PRKN: variants seen among roughly 807,000 people sequenced by gnomAD.
PRKN encodes the protein parkin RBR E3 ubiquitin protein ligase, also known as E3 ubiquitin-protein ligase parkin.
In PRKN, 56 loss-of-function variants were observed where a neutral mutation model predicts 59.5. The observed-to-expected ratio is 0.94, with a 90% CI of 0.76 to 1.18. The LOEUF (loss-of-function observed/expected upper bound fraction) is 1.18, where lower values mean the gene tolerates loss of function less well. Among genes scored for constraint, PRKN ranks in the 50% most tolerant of loss-of-function variants. The probability of loss-of-function intolerance (pLI) is 0.00; values close to 1 mark genes in which losing one functional copy is unlikely to be tolerated. For synonymous variants in PRKN, 250 were observed against 222.1 expected (o/e 1.13, Z -1.12); for missense variants, 657 against 596.4 (o/e 1.10, Z -1.06).
intron 1 of PRKN, among the ~76,000 whole-genome samples, chr6:162,494,380 T>G (rs769765578): frequency 6.6e-6 from 1 of 151,648 alleles, no homozygotes; most frequent in Admixed American, 6.6e-5. Flanking sequence ...AAGACCCCAG[T>G]AAGCCCAGAG....
At chr6:161,904,710 TTCAGCCAAC>T (rs1778079023) in intron 6 of PRKN, among the ~76,000 whole-genome samples, 1 of 152,130 alleles carries the variant, frequency 6.6e-6, no homozygotes, top group African/African-American at 2.4e-5. Context: ...AAGTCGCAGA[TTCAGCCAAC>T]ACCATCTCTG....
intron 7 of PRKN, among the ~76,000 whole-genome samples, chr6:161,589,902 C>G (rs1781655557): frequency 6.6e-6 from 1 of 150,990 alleles, no homozygotes; most frequent in Non-Finnish European, 1.5e-5. Flanking sequence ...GCAGCAGCCT[C>G]ACAAGTAGCT....
chr6:162,080,259 C>G (rs1199107729), intron 4 of PRKN, among the ~76,000 whole-genome samples: 1 of 152,060 alleles, frequency 6.6e-6, no homozygotes, highest in Admixed American at 6.5e-5. Context: ...CAAGTAATTT[C>G]AATTCTACAA....
At chr6:161,383,621 C>G (rs1786093379) in intron 10 of PRKN, among the ~76,000 whole-genome samples, 1 of 152,206 alleles carries the variant, frequency 6.6e-6, no homozygotes, top group Non-Finnish European at 1.5e-5. Context: ...TCATGAGGCC[C>G]CTTCTCCATG....
intron 6 of PRKN, among the ~76,000 whole-genome samples, chr6:161,830,387 G>A (rs1036871341): frequency 6.6e-6 from 1 of 152,090 alleles, no homozygotes; most frequent in African/African-American, 2.4e-5. Flanking sequence ...GAGGAGCTGG[G>A]ACTACAGGTG....
intron 4 of PRKN, among the ~76,000 whole-genome samples, chr6:162,060,550 T>A (rs570000053): frequency 4.3e-4 from 65 of 152,356 alleles, no homozygotes; most frequent in African/African-American, 1.4e-3. Flanking sequence ...GTTCTAGAAC[T>A]CATAATCTGA....
chr6:162,518,346 A>C (rs528309414), intron 1 of PRKN, among the ~76,000 whole-genome samples: 95 of 152,300 alleles, frequency 6.2e-4, no homozygotes, highest in Non-Finnish European at 1.1e-3. Flanking sequence ...ATTTATAATT[A>C]TTTAACAGTA....
intron 2 of PRKN, among the ~76,000 whole-genome samples, chr6:162,303,516 T>C (rs1475040116): frequency 6.6e-6 from 1 of 152,170 alleles, no homozygotes; most frequent in African/African-American, 2.4e-5. Flanking sequence ...ATTCATTAAT[T>C]AACAAACATG....
At chr6:161,990,918 A>G in intron 5 of PRKN, among the ~76,000 whole-genome samples, 1 of 152,174 alleles carries the variant, frequency 6.6e-6, no homozygotes, top group Non-Finnish European at 1.5e-5. Flanking sequence ...TCCCAAATAA[A>G]TTCGACTCAA....
chr6:161,438,806 CT>C (rs1220088025), intron 9 of PRKN, among the ~76,000 whole-genome samples: 7 of 152,052 alleles, frequency 4.6e-5, no homozygotes, highest in Non-Finnish European at 1.5e-5. Flanking sequence ...TGTAAATTGG[CT>C]TAGGAAAATT....
intron 6 of PRKN, among the ~76,000 whole-genome samples, chr6:161,827,434 T>C (rs980917821): frequency 2.0e-5 from 3 of 152,130 alleles, no homozygotes; most frequent in African/African-American, 4.8e-5. Context: ...AACTGTGGCA[T>C]TGAATTTTTA....
chr6:162,281,064 A>G (rs1780882005), intron 2 of PRKN, among the ~76,000 whole-genome samples: 1 of 152,040 alleles, frequency 6.6e-6, no homozygotes, highest in Admixed American at 6.5e-5. Context: ...ATAAAATACA[A>G]CTCAGCATAG....
intron 7 of PRKN, among the ~76,000 whole-genome samples, chr6:161,758,287 T>A (rs1789038261): frequency 6.6e-6 from 1 of 152,174 alleles, no homozygotes; most frequent in Non-Finnish European, 1.5e-5. Flanking sequence ...ATTTCATAGA[T>A]GCTTGTTGGT....
In PRKN at chr6:161,471,458, C is replaced by A. The variant is rs115890747; in HGVS notation, c.1083+77396G>T. On this transcript the variant is annotated intron_variant, in intron 9 of 11. Transcript: ENST00000366898. This position sits in a 1 kb window ranked among gnomAD's most constrained non-coding sequence, Gnocchi z 4.5. ...GGATGAAAAACCAAACTAAACCAAACCAAATCAAAACAACAAATCTTCAAG... is the reference window on the plus strand; with the variant it reads ...GGATGAAAAACCAAACTAAACCAAAACAAATCAAAACAACAAATCTTCAAG... Among the ~76,000 whole-genome samples, 687 of 152,066 alleles carry A rather than the reference C, an allele frequency of 4.5e-3. 3 individuals are homozygous for A. The highest frequency in any genetic ancestry group is 0.015 in the African/African-American group (640 of 41,482).
At chr6:162,009,669 C>T (rs1554260146) in intron 5 of PRKN, among the ~76,000 whole-genome samples, 1 of 151,762 alleles carries the variant, frequency 6.6e-6, no homozygotes, top group Non-Finnish European at 1.5e-5. Context: ...GGCATGGTGG[C>T]TCATGCCTGT....
At chr6:162,258,165 C>A (rs1445357873) in intron 3 of PRKN, among the ~76,000 whole-genome samples, 1 of 152,188 alleles carries the variant, frequency 6.6e-6, no homozygotes, top group African/African-American at 2.4e-5. Context: ...AACTCCCCAC[C>A]AATACTCTTT....
chr6:162,679,473 C>A lies in PRKN; in HGVS notation c.7+48189G>T, dbSNP rs534757018. ...TTTATAAATTGTTTTATTTATGAAT[C>A]CTGCTCTTGGTATTATATCTAAGAA... On this transcript the variant is annotated intron_variant, in intron 1 of 11. Transcript: ENST00000366898. 9.2e-5 allele frequency among the ~76,000 whole-genome samples: 14 copies of A among 152,238 alleles called. No homozygotes were observed. In the South Asian group the frequency reaches 2.9e-3, roughly 32 times the overall value.
intron 6 of PRKN, among the ~76,000 whole-genome samples, chr6:161,852,148 T>C (rs550703708): frequency 6.6e-6 from 1 of 151,556 alleles, no homozygotes; most frequent in Non-Finnish European, 1.5e-5. Context: ...GGGAATTTTT[T>C]AAATAAACAA....
In PRKN at chr6:161,371,517, G is replaced by A. The variant is rs1448769746; in HGVS notation, c.1168-11312C>T. ...CATCAGAGTGTTGGGATTTAATGGGGTGTCTAGCCAAGGGCTCCGGGGAAT... is the reference window on the plus strand; with the variant it reads ...CATCAGAGTGTTGGGATTTAATGGGATGTCTAGCCAAGGGCTCCGGGGAAT... On this transcript the variant is annotated intron_variant, in intron 10 of 11. Coordinates refer to ENST00000366898, the MANE Select transcript of PRKN (RefSeq NM_004562.3). The surrounding 1 kb of genome is among the most constrained non-coding windows in gnomAD (Gnocchi z 5.5). 6.6e-6 allele frequency among the ~76,000 whole-genome samples: 1 copy of A among 152,028 alleles called. No homozygotes were observed. The highest frequency in any genetic ancestry group is 6.6e-5 in the Admixed American group (1 of 15,258).
Sources: gnomAD v4.1 joint callset for allele counts (sites outside exome capture counted in the v4.1 genomes callset) on GRCh38, gnomAD v4.1.1 for gene constraint, Gnocchi (gnomAD v3.1) non-coding constraint, MANE v1.5 for transcripts, NCBI Gene and HGNC (gene_info 2026-07-23, HGNC 2026-07-21) for gene names.